The following GPR158 variants were observed in gnomAD, a reference collection of about 807,000 sequenced individuals.
The protein encoded by GPR158 is G protein-coupled receptor 158, also known as metabotropic glycine receptor.
In GPR158, 30 loss-of-function variants were observed where a neutral mutation model predicts 78.2. That is an observed-to-expected ratio of 0.38 (90% confidence interval 0.29 to 0.52). GPR158 has a LOEUF of 0.52. Ranked by LOEUF, GPR158 falls within the 20% of genes least tolerant of loss-of-function variation. GPR158 has a pLI of 0.83. For synonymous variants in GPR158, 581 were observed against 591.1 expected, an observed-to-expected ratio of 0.98 and a Z score of 0.25; for missense variants, 1,463 against 1,523.5, an observed-to-expected ratio of 0.96 and a Z score of 0.66.
chr10:25,346,633 G>A (rs1211172410), intron 2 of GPR158, among the ~76,000 whole-genome samples: 6 of 151,810 alleles, frequency 4.0e-5, no homozygotes, highest in African/African-American at 4.8e-5. Context: ...TTAAATTGAA[G>A]TGCCATTTCT....
At chr10:25,474,353 C>T (rs1209987944) in intron 5 of GPR158, among the ~76,000 whole-genome samples, 3 of 152,070 alleles carry the variant, frequency 2.0e-5, no homozygotes, top group African/African-American at 7.2e-5. Context: ...TAAGATACCC[C>T]TTGTGATAGG....
intron 4 of GPR158, among the ~76,000 whole-genome samples, chr10:25,445,597 AG>A (rs771586750): frequency 3.2e-4 from 49 of 152,202 alleles, no homozygotes; most frequent in Non-Finnish European, 6.3e-4. Flanking sequence ...AAGATTAATT[AG>A]GGATCTGTTA....
At chr10:25,250,195 TTC>T (rs563340170) in intron 2 of GPR158, among the ~76,000 whole-genome samples, 1 of 129,636 alleles carries the variant, frequency 7.7e-6, no homozygotes, top group Non-Finnish European at 1.6e-5. Flanking sequence ...TATTTGATTC[TTC>T]TCTCTTTTTT....
At chr10:25,217,289 A>T (rs1195960357) in intron 1 of GPR158, among the ~76,000 whole-genome samples, 1 of 152,190 alleles carries the variant, frequency 6.6e-6, no homozygotes, top group Non-Finnish European at 1.5e-5. Flanking sequence ...TAAGCAATAT[A>T]TGTTAAAGTT....
rs546035115 is a variant in GPR158 at position 25,485,258 on chromosome 10, AT to A, written c.1404+18543del. ...TTTTTTTTAATGAGAAGTAGATGAC[AT>A]TTTGACAAGGTGTAAATCATACTTT... On this transcript the variant is annotated intron_variant, in intron 5 of 10. Coordinates refer to ENST00000376351, the MANE Select transcript of GPR158 (RefSeq NM_020752.3). Among the ~76,000 whole-genome samples the A allele has an allele frequency of 1.8e-3, 281 of 152,238 alleles. 1 individual carries two copies. Among genetic ancestry groups the A allele is most frequent in the African/African-American group, 6.6e-3 (275 of 41,560 alleles).
At chr10:25,453,320 A>G (rs1056820903) in intron 4 of GPR158, among the ~76,000 whole-genome samples, 1 of 152,170 alleles carries the variant, frequency 6.6e-6, no homozygotes, top group Non-Finnish European at 1.5e-5. Flanking sequence ...CATAATGGCT[A>G]TACTAATTTA....
chr10:25,216,550 G>A (rs1019730982), intron 1 of GPR158, among the ~76,000 whole-genome samples: 8 of 152,024 alleles, frequency 5.3e-5, no homozygotes, highest in Non-Finnish European at 1.2e-4. Flanking sequence ...TTTGGGTGTG[G>A]GCTGATTTAG....
chr10:25,192,659 A>G (rs1278254933), intron 1 of GPR158, among the ~76,000 whole-genome samples: 1 of 152,058 alleles, frequency 6.6e-6, no homozygotes, highest in Admixed American at 6.6e-5. Flanking sequence ...AATGTACTAA[A>G]CTTTTTTTAA....
chr10:25,589,519 T>C (rs1290620096), intron 8 of GPR158, among the ~76,000 whole-genome samples: 3 of 152,226 alleles, frequency 2.0e-5, no homozygotes, highest in East Asian at 1.9e-4. Flanking sequence ...TTTTCATTTA[T>C]GTTTAATGGG....
At chr10:25,249,124 G>C (rs1853750467) in intron 2 of GPR158, among the ~76,000 whole-genome samples, 1 of 151,970 alleles carries the variant, frequency 6.6e-6, no homozygotes, top group Non-Finnish European at 1.5e-5. Context: ...TCTGTTGTTG[G>C]TGTATAAGAA....
intron 2 of GPR158, among the ~76,000 whole-genome samples, chr10:25,339,634 G>A (rs545763782): frequency 2.0e-4 from 31 of 152,080 alleles, no homozygotes; most frequent in Non-Finnish European, 3.7e-4. Flanking sequence ...GATGCTTGCT[G>A]AAGGTTTTTG....
intron 5 of GPR158, among the ~76,000 whole-genome samples, chr10:25,479,946 A>C (rs1244739237): frequency 6.6e-6 from 1 of 152,026 alleles, no homozygotes; most frequent in Non-Finnish European, 1.5e-5. Flanking sequence ...TGACCTTTAC[A>C]GCAATTTCAG....
chr10:25,209,911 C>T (rs551182866), intron 1 of GPR158, among the ~76,000 whole-genome samples: 9 of 152,244 alleles, frequency 5.9e-5, no homozygotes, highest in Non-Finnish European at 1.3e-4. Flanking sequence ...GTTCTTGGTG[C>T]TCTTGTACTT....
intron 8 of GPR158, among the ~76,000 whole-genome samples, chr10:25,591,248 A>G (rs1487566655): frequency 6.6e-6 from 1 of 152,102 alleles, no homozygotes; most frequent in African/African-American, 2.4e-5. Flanking sequence ...AACCTACTTA[A>G]TTTTATTTAA....
intron 2 of GPR158, among the ~76,000 whole-genome samples, chr10:25,317,715 T>TGTTTTG (rs1379253016): frequency 7.4e-6 from 1 of 134,846 alleles, no homozygotes; most frequent in African/African-American, 3.4e-5. Context: ...CTTCGTAAAG[T>TGTTTTG]GTTTTTTTTT....
intron 2 of GPR158, among the ~76,000 whole-genome samples, chr10:25,382,730 A>G (rs1834172174): frequency 6.6e-6 from 1 of 152,230 alleles, no homozygotes; most frequent in African/African-American, 2.4e-5. Context: ...TGTGGGAAAG[A>G]GGCTACTGAA....
At chr10:25,591,958 A>G (rs1195084783) in intron 8 of GPR158, among the ~76,000 whole-genome samples, 1 of 152,054 alleles carries the variant, frequency 6.6e-6, no homozygotes, top group Admixed American at 6.6e-5. Flanking sequence ...AGTATGTACA[A>G]TGTCTTATTT....
intron 2 of GPR158, among the ~76,000 whole-genome samples, chr10:25,376,671 G>T (rs1030971383): frequency 6.6e-6 from 1 of 151,600 alleles, no homozygotes; most frequent in African/African-American, 2.4e-5. Context: ...ACTTCTGACA[G>T]TATTGGTCTG....
chr10:25,261,818 A>T (rs1853972345), intron 2 of GPR158, among the ~76,000 whole-genome samples: 1 of 152,168 alleles, frequency 6.6e-6, no homozygotes, highest in South Asian at 2.1e-4. Context: ...AAATGACAAG[A>T]GCAGCTAGGC....
Sources: gnomAD v4.1 joint callset for allele counts (sites outside exome capture counted in the v4.1 genomes callset) on GRCh38, gnomAD v4.1.1 for gene constraint, MANE v1.5 for transcripts, NCBI Gene and HGNC (gene_info 2026-07-23, HGNC 2026-07-21) for gene names.